Variants in PTPRS observed in about 807,000 individuals in gnomAD.
PTPRS encodes the protein receptor-type tyrosine-protein phosphatase S.
Under a neutral mutation model 215.3 loss-of-function variants are expected in PTPRS, and 63 were observed. That is an observed-to-expected ratio of 0.29 (90% CI 0.24 to 0.36). The LOEUF is 0.36. Among genes scored for constraint, PTPRS ranks in the 10% least tolerant of loss-of-function variants. PTPRS has a pLI of 1.00. For synonymous variants in PTPRS, 1,404 were observed against 1,191.4 expected (o/e 1.18, Z -3.68); for missense variants, 2,258 against 2,825.8 (o/e 0.80, Z 4.56).
chr19:5,290,947 G>A (rs2048764835), intron 1 of PTPRS, among the ~76,000 whole-genome samples: 1 of 152,044 alleles, frequency 6.6e-6, no homozygotes, highest in Admixed American at 6.5e-5. Context: ...CCCCTGGGCA[G>A]CAAGCACAGG....
At chr19:5,227,206 G>C (rs917297869) in intron 16 of PTPRS, among the ~76,000 whole-genome samples, 3 of 151,850 alleles carry the variant, frequency 2.0e-5, no homozygotes, top group African/African-American at 7.3e-5. Flanking sequence ...ACCACCACAT[G>C]CCTGGCTAAT....
chr19:5,333,178 A>C (rs951408466), intron 1 of PTPRS, among the ~76,000 whole-genome samples: 1 of 150,090 alleles, frequency 6.7e-6, no homozygotes, highest in Non-Finnish European at 1.5e-5. Context: ...AATAAATAAA[A>C]AATGCCAATT....
Position 5,210,755 on chromosome 19 carries a change from T to G in PTPRS, c.5285A>C (p.Glu1762Ala). The change falls in exon 34 of 38, where the codon GAA becomes GCA. Residue 1762 changes from glutamate to alanine, a missense_variant. Glu to Ala is a moderately radical substitution (Grantham distance 107). Transcript: ENST00000262963. The surrounding 1 kb of genome is among the most constrained non-coding windows in gnomAD (Gnocchi z 4.5). ...CTCCCACAGCATGCGCCAGAAGTCTTCCGTGGTCTCCGCCAGCGGCCCCTG... is the reference window on the plus strand; with the variant it reads ...CTCCCACAGCATGCGCCAGAAGTCTGCCGTGGTCTCCGCCAGCGGCCCCTG... Reference protein sequence around the residue: ...ATQGPLAETTEDFWRMLWENN... With the variant: ...ATQGPLAETTADFWRMLWENN... 6.2e-7 allele frequency: 1 copy of G among 1,614,150 alleles called. No homozygotes were observed. The highest frequency in any genetic ancestry group is 8.5e-7 in the Non-Finnish European group (1 of 1,180,038).
intron 13 of PTPRS, among the ~76,000 whole-genome samples, chr19:5,235,775 T>C (rs1006075337): frequency 2.6e-5 from 4 of 152,212 alleles, no homozygotes; most frequent in Non-Finnish European, 5.9e-5. Flanking sequence ...GCACCTACTG[T>C]GTGCCAGGCA....
chr19:5,276,500 GGT>G (rs1568546437), intron 2 of PTPRS, among the ~76,000 whole-genome samples: 1 of 151,302 alleles, frequency 6.6e-6, no homozygotes, highest in African/African-American at 2.4e-5. Flanking sequence ...TGGGATTACA[GGT>G]GTGAGCCACT....
At chr19:5,250,298 C>A (rs758177819) in intron 9 of PTPRS, among the ~76,000 whole-genome samples, 1 of 152,172 alleles carries the variant, frequency 6.6e-6, no homozygotes, top group Non-Finnish European at 1.5e-5. Context: ...CCCTCCCTGG[C>A]GGCCTTGTAA....
At chr19:5,222,383 CCCTGT>C (rs886131798) in intron 18 of PTPRS, among the ~76,000 whole-genome samples, 163 bp from the exon 19 acceptor site, 38 of 151,714 alleles carry the variant, frequency 2.5e-4, no homozygotes, top group Non-Finnish European at 4.7e-4. Flanking sequence ...CCCGGCCCTG[CCCTGT>C]CCTGTCCCAA....
chr19:5,298,415 C>T (rs911075246), intron 1 of PTPRS, among the ~76,000 whole-genome samples: 2 of 152,340 alleles, frequency 1.3e-5, no homozygotes, highest in South Asian at 2.1e-4. Context: ...GCCTGTCTGT[C>T]CCACCTCCTT....
chr19:5,251,427 T>C (rs1000798042), intron 9 of PTPRS, among the ~76,000 whole-genome samples: 1 of 139,380 alleles, frequency 7.2e-6, no homozygotes, highest in Non-Finnish European at 1.6e-5. Flanking sequence ...GCGCTCTAGA[T>C]ACTTTTTTTT....
At chr19:5,250,103 C>T (rs996731300) in intron 9 of PTPRS, among the ~76,000 whole-genome samples, 8 of 152,166 alleles carry the variant, frequency 5.3e-5, no homozygotes, top group South Asian at 2.1e-4. Flanking sequence ...CCAACATGGC[C>T]GGCAACCATC....
intron 1 of PTPRS, among the ~76,000 whole-genome samples, chr19:5,336,880 C>T (rs1217313730): frequency 6.6e-6 from 1 of 152,176 alleles, no homozygotes; most frequent in Non-Finnish European, 1.5e-5. Context: ...GGAGGAAGGG[C>T]AACCTGCACA....
intron 1 of PTPRS, chr19:5,292,902 C>G (rs1413003874): frequency 6.6e-6 from 1 of 151,990 alleles, no homozygotes; most frequent in Non-Finnish European, 1.5e-5. Flanking sequence ...GGGAGGGGAC[C>G]CTGCGGAGCA....
rs200423333 is a variant in PTPRS at position 5,222,682 on chromosome 19, C to T, written c.3103+7G>A. The T allele has an allele frequency of 4.5e-4, 711 of 1,568,992 alleles. 1 individual carries two copies. In the African/African-American group the frequency reaches 4.7e-3, roughly 10 times the overall value. ...CGGCTCTGGTGCAGGGGTCGCCGCG[C>T]GCCTACCTTGGTCCCGCAGGAACGT... On this transcript the variant is annotated splice_region_variant and intron_variant, in intron 18 of 37. Transcript: ENST00000262963.
At chr19:5,242,433 G>A (rs1035209796) in intron 11 of PTPRS, among the ~76,000 whole-genome samples, 8 of 151,646 alleles carry the variant, frequency 5.3e-5, no homozygotes, top group Non-Finnish European at 1.0e-4. Context: ...CTGGAGGGCA[G>A]TGGTGACATT....
chr19:5,271,856 C>A (rs2046940569), intron 4 of PTPRS, among the ~76,000 whole-genome samples: 1 of 152,020 alleles, frequency 6.6e-6, no homozygotes, highest in African/African-American at 2.4e-5. Context: ...TCCTGAGCAG[C>A]TGGGATTACA....
At chr19:5,269,224 T>C (rs1451725893) in intron 4 of PTPRS, among the ~76,000 whole-genome samples, 1 of 152,086 alleles carries the variant, frequency 6.6e-6, no homozygotes. Context: ...TTCCCGTGTG[T>C]ATGTGGCCCC....
chr19:5,300,536 C>A (rs548082480), intron 1 of PTPRS, among the ~76,000 whole-genome samples: 1 of 151,630 alleles, frequency 6.6e-6, no homozygotes, highest in East Asian at 1.9e-4. Flanking sequence ...TTTGGGAGGC[C>A]GAGGTGGACA....
intron 1 of PTPRS, among the ~76,000 whole-genome samples, chr19:5,307,475 T>A (rs1315104468): frequency 6.6e-6 from 1 of 152,114 alleles, no homozygotes; most frequent in Non-Finnish European, 1.5e-5. Flanking sequence ...ATACCAGATG[T>A]ACAATTATAA....
At chr19:5,248,037 G>C (rs531621461) in intron 9 of PTPRS, among the ~76,000 whole-genome samples, 5 of 148,772 alleles carry the variant, frequency 3.4e-5, no homozygotes, top group Non-Finnish European at 7.5e-5. Flanking sequence ...CCGTGAGATG[G>C]GGGGGGCGGG....
Sources: gnomAD v4.1 joint callset for allele counts (sites outside exome capture counted in the v4.1 genomes callset) on GRCh38, gnomAD v4.1.1 for gene constraint, Gnocchi (gnomAD v3.1) non-coding constraint, MANE v1.5 for transcripts, NCBI Gene and HGNC (gene_info 2026-07-23, HGNC 2026-07-21) for gene names.